SCGB2B2: variants seen among roughly 807,000 people sequenced by gnomAD.
SCGB2B2 encodes secretoglobin family 2B member 2.
SCGB2B2 carries 11 observed loss-of-function variants against 7.6 expected under a neutral mutation model. That is an observed-to-expected ratio of 1.45 (90% CI 0.91 to 2.40). SCGB2B2 has a LOEUF of 2.40. Among genes scored for constraint, SCGB2B2 ranks in the 30% most tolerant of loss-of-function variants. The pLI is 0.00. For synonymous variants in SCGB2B2, 50 were observed against 48.6 expected (o/e 1.03, Z -0.12); for missense variants, 104 against 115.4 (o/e 0.90, Z 0.45).
At chr19:34,635,165 A>T (rs1321326362) in intron 1 of SCGB2B2, 1 of 297,424 alleles carries the variant, frequency 3.4e-6, no homozygotes, top group Non-Finnish European at 7.0e-6. Flanking sequence ...GATTTCCCAC[A>T]TTCACTGCAT....
intron 1 of SCGB2B2, among the ~76,000 whole-genome samples, chr19:34,600,176 A>T (rs1004604110): frequency 6.6e-6 from 1 of 152,216 alleles, no homozygotes; most frequent in African/African-American, 2.4e-5. Flanking sequence ...CTTCATATAC[A>T]GTAAACGTTA....
rs1056893736 is a variant in SCGB2B2 at position 34,591,054 on chromosome 19, T to C, written c.*2501A>G. Among the ~76,000 whole-genome samples, 1 of 152,230 alleles carries C rather than the reference T, an allele frequency of 6.6e-6. No individual in the cohort carries two copies. The highest frequency in any genetic ancestry group is 2.4e-5 in the African/African-American group (1 of 41,458). On this transcript the variant is annotated 3_prime_UTR_variant, in exon 4 of 4. Coordinates refer to ENST00000601241, the MANE Select transcript of SCGB2B2 (RefSeq NM_001025591.4). ...GCATTATTTTCTTTAGCTCCACAGA[T>C]TTAAATTCCATTGAAATGCTGAAAT...
At chr19:34,616,859 T>C in intron 1 of SCGB2B2, among the ~76,000 whole-genome samples, 1 of 152,168 alleles carries the variant, frequency 6.6e-6, no homozygotes, top group East Asian at 1.9e-4. Flanking sequence ...AATTAATTTT[T>C]GTATAAGGTG....
At chr19:34,674,392 G>A (rs2067872319) in intron 1 of SCGB2B2, among the ~76,000 whole-genome samples, 1 of 152,114 alleles carries the variant, frequency 6.6e-6, no homozygotes, top group Non-Finnish European at 1.5e-5. Flanking sequence ...AAAAAAGGAA[G>A]CAAAGCAAAC....
intron 1 of SCGB2B2, among the ~76,000 whole-genome samples, chr19:34,657,040 A>G (rs1408103398): frequency 6.6e-6 from 1 of 151,358 alleles, no homozygotes; most frequent in Non-Finnish European, 1.5e-5. Flanking sequence ...ATAATCTTAG[A>G]GCATCTACAG....
At chr19:34,631,825 CAG>C (rs1006463879) in intron 1 of SCGB2B2, among the ~76,000 whole-genome samples, 1 of 151,780 alleles carries the variant, frequency 6.6e-6, no homozygotes, top group African/African-American at 2.4e-5. Context: ...AAAATAAAAA[CAG>C]AAAAAATTTG....
At chr19:34,628,554 A>C (rs1157199383) in intron 1 of SCGB2B2, among the ~76,000 whole-genome samples, 1 of 151,944 alleles carries the variant, frequency 6.6e-6, no homozygotes, top group East Asian at 1.9e-4. Context: ...ACACCCTCCC[A>C]AGACTAAACC....
chr19:34,610,531 TTTATCAAATG>T (rs1568431186), intron 1 of SCGB2B2, among the ~76,000 whole-genome samples: 2 of 152,204 alleles, frequency 1.3e-5, no homozygotes, highest in Admixed American at 1.3e-4. Context: ...ATTGTTGACT[TTTATCAAATG>T]CATTTTCTGT....
chr19:34,651,259 G>A (rs1258049670), intron 1 of SCGB2B2, among the ~76,000 whole-genome samples: 3 of 151,146 alleles, frequency 2.0e-5, no homozygotes, highest in African/African-American at 7.4e-5. Flanking sequence ...GAGTGATTAG[G>A]CAAGAAGAAA....
intron 1 of SCGB2B2, among the ~76,000 whole-genome samples, chr19:34,637,086 C>A (rs981911915): frequency 6.6e-6 from 1 of 152,160 alleles, no homozygotes; most frequent in Admixed American, 6.5e-5. Flanking sequence ...AAATAGTAAC[C>A]ACATTGGTCC....
At chr19:34,597,453 T>C (rs1410876990) in intron 1 of SCGB2B2, among the ~76,000 whole-genome samples, 1 of 45,170 alleles carries the variant, frequency 2.2e-5, no homozygotes, top group African/African-American at 7.4e-5. Context: ...CCTAGAGGGT[T>C]TGATATCAGA....
At chr19:34,628,967 A>G (rs1568435499) in intron 1 of SCGB2B2, among the ~76,000 whole-genome samples, 2 of 151,974 alleles carry the variant, frequency 1.3e-5, no homozygotes, top group Non-Finnish European at 1.5e-5. Context: ...GGTTCAACAT[A>G]TGCAAATCAA....
rs145450889 is a variant in SCGB2B2, at chr19:34,625,810, C to G, written c.-2031-29216G>C. Among the ~76,000 whole-genome samples, 966 of 152,334 alleles carry G rather than the reference C, an allele frequency of 6.3e-3. 7 individuals are homozygous for G. Among genetic ancestry groups the G allele is most frequent in the Middle Eastern group, 0.027 (8 of 294 alleles). On this transcript the variant is annotated intron_variant, in intron 1 of 3. Transcript: ENST00000601241. ...ACACAGCTTGAGATCTGAGAACGGA[C>G]AGACTGCCTCCTCAAGTGGGTCCCT...
intron 1 of SCGB2B2, among the ~76,000 whole-genome samples, chr19:34,665,938 G>C (rs1047956239): frequency 6.6e-6 from 1 of 152,124 alleles, no homozygotes; most frequent in African/African-American, 2.4e-5. Context: ...CTGGGGTCCA[G>C]AGAAGGAAGG....
At chr19:34,606,807 G>T (rs139141961) in intron 1 of SCGB2B2, among the ~76,000 whole-genome samples, 1 of 135,300 alleles carries the variant, frequency 7.4e-6, no homozygotes, top group East Asian at 2.1e-4. Flanking sequence ...GATAGGTATG[G>T]ATGCATTGTA....
chr19:34,644,038 A>G (rs1392968861), intron 1 of SCGB2B2, among the ~76,000 whole-genome samples: 1 of 152,228 alleles, frequency 6.6e-6, no homozygotes, highest in Non-Finnish European at 1.5e-5. Flanking sequence ...TATATCAACA[A>G]CAGAAGATTT....
intron 1 of SCGB2B2, among the ~76,000 whole-genome samples, chr19:34,670,112 G>A (rs1455421488): frequency 6.6e-6 from 1 of 152,116 alleles, no homozygotes; most frequent in East Asian, 1.9e-4. Flanking sequence ...AGAGGTAATC[G>A]GGGCTATAGA....
At chr19:34,619,471 G>A (rs2066181416) in intron 1 of SCGB2B2, among the ~76,000 whole-genome samples, 1 of 152,122 alleles carries the variant, frequency 6.6e-6, no homozygotes. Flanking sequence ...TAACTAAGAG[G>A]ATGGTAACCT....
At chr19:34,672,686 A>T (rs2146210786) in intron 1 of SCGB2B2, among the ~76,000 whole-genome samples, 1 of 152,300 alleles carries the variant, frequency 6.6e-6, no homozygotes, top group Non-Finnish European at 1.5e-5. Flanking sequence ...TGGTCTGAAT[A>T]TTTGTATCCC....
Sources: gnomAD v4.1 joint callset for allele counts (sites outside exome capture counted in the v4.1 genomes callset) on GRCh38, gnomAD v4.1.1 for gene constraint, MANE v1.5 for transcripts, NCBI Gene and HGNC (gene_info 2026-07-23, HGNC 2026-07-21) for gene names.